COL23A1: variants seen among roughly 807,000 people sequenced by gnomAD.
COL23A1 encodes collagen alpha-1(XXIII) chain.
Under a neutral mutation model 99.3 loss-of-function variants are expected in COL23A1, and 97 were observed. The ratio of observed to expected loss-of-function variants is 0.98; its 90% CI spans 0.83 to 1.16. The LOEUF (loss-of-function observed/expected upper bound fraction) is 1.16. COL23A1 is among the 50% of genes most tolerant of loss of function. The pLI, the probability that COL23A1 is intolerant of heterozygous loss-of-function variation, is 0.00. For missense variants in COL23A1, 762 were observed against 757.4 expected, an observed-to-expected ratio of 1.01 and a Z score of -0.07; for synonymous variants, 320 against 308.2, an observed-to-expected ratio of 1.04 and a Z score of -0.40.
At chr5:178,268,499 G>A (rs1441180383) in intron 7 of COL23A1, among the ~76,000 whole-genome samples, 1 of 152,094 alleles carries the variant, frequency 6.6e-6, no homozygotes, top group South Asian at 2.1e-4. Context: ...TTATGCTTTG[G>A]TCCCAGGAGA....
At chr5:178,484,750 A>T (rs982042295) in intron 2 of COL23A1, among the ~76,000 whole-genome samples, 2 of 133,674 alleles carry the variant, frequency 1.5e-5, no homozygotes, top group Non-Finnish European at 3.1e-5. Flanking sequence ...TGAACCTGGG[A>T]GGTGGAGGTT....
intron 2 of COL23A1, among the ~76,000 whole-genome samples, chr5:178,339,776 T>G (rs1392496470): frequency 6.6e-6 from 1 of 152,160 alleles, no homozygotes; most frequent in Non-Finnish European, 1.5e-5. Context: ...GAAGACTTTC[T>G]TGAACTCAAG....
chr5:178,267,254 A>T, intron 8 of COL23A1, 53 bp downstream of exon 8: 1 of 1,602,398 alleles, frequency 6.2e-7, no homozygotes, highest in Non-Finnish European at 8.6e-7. Context: ...ATGCCTCATT[A>T]TTACACAAAA....
chr5:178,508,934 G>A (rs573332528), intron 2 of COL23A1, among the ~76,000 whole-genome samples: 3 of 152,300 alleles, frequency 2.0e-5, no homozygotes, highest in Admixed American at 2.0e-4. Context: ...TTGCACTTAG[G>A]AGGAACAGAG....
intron 2 of COL23A1, among the ~76,000 whole-genome samples, chr5:178,363,524 C>T (rs1258159171): frequency 2.0e-5 from 3 of 152,228 alleles, no homozygotes; most frequent in Non-Finnish European, 2.9e-5. Context: ...CAGCTACACT[C>T]CCAGCCAGAC....
At chr5:178,558,026 C>T (rs563646202) in intron 2 of COL23A1, among the ~76,000 whole-genome samples, 1 of 151,708 alleles carries the variant, frequency 6.6e-6, no homozygotes, top group East Asian at 2.0e-4. Context: ...GGGACAGCAT[C>T]AGCACGGTGC....
rs1760065812 is a variant in COL23A1 at position 178,523,175 on chromosome 5, T to TACAC, written c.361+37506_361+37507insGTGT. On this transcript the variant is annotated intron_variant, in intron 2 of 28. Coordinates refer to ENST00000390654, the MANE Select transcript of COL23A1 (RefSeq NM_173465.4). ...ATATATATATATACATATATATATA[T>TACAC]ATACACATATATATATATATATATA... is the stretch of plus-strand genomic sequence containing the variant. Among the ~76,000 whole-genome samples the TACAC allele has an allele frequency of 1.1e-4, 10 of 89,700 alleles. 1 individual carries two copies. The South Asian group carries it at 4.0e-3, about 36-fold the overall frequency. The allele number at this position is 89,700 out of a possible 152,430, so 58.8% of individuals were successfully genotyped here.
chr5:178,579,268 G>A (rs1015885343), intron 1 of COL23A1, among the ~76,000 whole-genome samples: 5 of 152,192 alleles, frequency 3.3e-5, no homozygotes, highest in Admixed American at 1.3e-4. Context: ...GGGTGTGCAC[G>A]ACATGCTGAG....
At chr5:178,523,866 G>A (rs1181408136) in intron 2 of COL23A1, among the ~76,000 whole-genome samples, 1 of 152,168 alleles carries the variant, frequency 6.6e-6, no homozygotes, top group East Asian at 1.9e-4. Flanking sequence ...GTTACACGGG[G>A]AGAGGCAAGT....
At chr5:178,275,776 G>C (rs1187223681) in intron 5 of COL23A1, among the ~76,000 whole-genome samples, 1 of 152,026 alleles carries the variant, frequency 6.6e-6, no homozygotes, top group Non-Finnish European at 1.5e-5. Flanking sequence ...AGGATCCCAC[G>C]GGAGCTGATT....
chr5:178,376,255 C>T (rs530094948), intron 2 of COL23A1, among the ~76,000 whole-genome samples: 3 of 152,330 alleles, frequency 2.0e-5, no homozygotes, highest in East Asian at 1.9e-4. Context: ...CCATCGGATC[C>T]GGGTTTCCGT....
intron 2 of COL23A1, among the ~76,000 whole-genome samples, chr5:178,324,262 G>C (rs907354640): frequency 3.9e-5 from 6 of 152,158 alleles, no homozygotes; most frequent in African/African-American, 1.4e-4. Flanking sequence ...GCTATGCCGG[G>C]CTGGTCTGGT....
chr5:178,289,385 T>C (rs926449216), intron 4 of COL23A1, among the ~76,000 whole-genome samples: 7 of 152,186 alleles, frequency 4.6e-5, no homozygotes, highest in East Asian at 1.9e-4. Context: ...CTAGGACCAC[T>C]TGCAATCCCC....
intron 2 of COL23A1, among the ~76,000 whole-genome samples, chr5:178,499,388 A>G (rs562951368): frequency 6.6e-6 from 1 of 152,358 alleles, no homozygotes; most frequent in African/African-American, 2.4e-5. Flanking sequence ...ATCAGCAGCG[A>G]TGTCACGCTG....
At chr5:178,370,699 A>G (rs956276917) in intron 2 of COL23A1, among the ~76,000 whole-genome samples, 1 of 152,200 alleles carries the variant, frequency 6.6e-6, no homozygotes, top group African/African-American at 2.4e-5. Flanking sequence ...TCTCTCTTGA[A>G]AAATAAAATG....
At chr5:178,305,543 T>C (rs1020630376) in intron 3 of COL23A1, among the ~76,000 whole-genome samples, 1 of 152,230 alleles carries the variant, frequency 6.6e-6, no homozygotes, top group Non-Finnish European at 1.5e-5. Context: ...CTGCCCGTGC[T>C]GAGTGTGGGG....
At chr5:178,258,227 C>T (rs1239175855) in intron 12 of COL23A1, among the ~76,000 whole-genome samples, 2 of 105,150 alleles carry the variant, frequency 1.9e-5, no homozygotes, top group Non-Finnish European at 4.2e-5. Flanking sequence ...GAGTGAGATC[C>T]TGTCTTAAAA....
At chr5:178,345,101 CACG>C (rs1463574842) in intron 2 of COL23A1, 1 of 593,696 alleles carries the variant, frequency 1.7e-6, no homozygotes, top group Non-Finnish European at 3.2e-6. Flanking sequence ...TGGTAATTGG[CACG>C]ACATCTCCCA....
intron 24 of COL23A1, 95 bp downstream of exon 24, chr5:178,246,159 G>A: frequency 1.2e-6 from 1 of 812,980 alleles, no homozygotes; most frequent in South Asian, 1.8e-5. Flanking sequence ...CGAAGTGCAG[G>A]GACCCAGTGA....
Sources: gnomAD v4.1 joint callset for allele counts (sites outside exome capture counted in the v4.1 genomes callset) on GRCh38, gnomAD v4.1.1 for gene constraint, MANE v1.5 for transcripts, NCBI Gene and HGNC (gene_info 2026-07-23, HGNC 2026-07-21) for gene names.